The following EGFL7 variants were observed in gnomAD, a reference collection of about 807,000 sequenced individuals.
The protein encoded by EGFL7 is epidermal growth factor-like protein 7.
Under a neutral mutation model 37.1 loss-of-function variants are expected in EGFL7, and 48 were observed. The observed-to-expected ratio is 1.29, with a 90% confidence interval of 1.03 to 1.65. EGFL7 has a LOEUF of 1.65. Among genes scored for constraint, EGFL7 ranks in the 40% most tolerant of loss-of-function variants. The pLI, the probability that EGFL7 is intolerant of heterozygous loss-of-function variation, is 0.00. For synonymous variants in EGFL7, 180 were observed against 156.8 expected (o/e 1.15, Z -1.10); for missense variants, 384 against 378.9 (o/e 1.01, Z -0.11).
intron 9 of EGFL7, among the ~76,000 whole-genome samples, chr9:136,671,466 C>G (rs975232758): frequency 1.3e-5 from 2 of 152,048 alleles, no homozygotes; most frequent in Admixed American, 1.3e-4. Flanking sequence ...GTGGCTTCCT[C>G]GCTGCTGACT....
Position 136,672,612 on chromosome 9 carries a change from C to G in EGFL7, c.*326C>G. ...GACCCATGGCACAGGCCAGGCAGCC[C>G]GGAGGCTGGGTGGGGCCTCAGTGGG... On this transcript the variant is annotated 3_prime_UTR_variant, in exon 11 of 11. Coordinates refer to ENST00000308874, the MANE Select transcript of EGFL7 (RefSeq NM_016215.5). 2.0e-6 allele frequency: 1 copy of G among 488,780 alleles called. No homozygotes were observed. Among genetic ancestry groups the G allele is most frequent in the Non-Finnish European group, 3.7e-6 (1 of 271,762 alleles). The allele number at this position is 488,780 out of a possible 1,614,324, so 30.3% of individuals were successfully genotyped here. A position where few individuals can be genotyped will look rare whatever the true frequency, so the allele number is the denominator to read the frequency against.
At chr9:136,664,451 G>A (rs1388531686) in intron 2 of EGFL7, among the ~76,000 whole-genome samples, 1 of 152,072 alleles carries the variant, frequency 6.6e-6, no homozygotes, top group African/African-American at 2.4e-5. Context: ...CCATGCCAGG[G>A]AGTCCAGGGC....
intron 5 of EGFL7, among the ~76,000 whole-genome samples, chr9:136,668,970 C>T (rs543727565): frequency 3.9e-5 from 6 of 152,276 alleles, no homozygotes; most frequent in South Asian, 2.1e-4. Context: ...CCTCCACTTC[C>T]GGGGGACTAA....
chr9:136,661,389 A>C (rs1004855134), upstream of EGFL7, among the ~76,000 whole-genome samples: 2 of 152,156 alleles, frequency 1.3e-5, no homozygotes, highest in African/African-American at 4.8e-5. Flanking sequence ...CTGAGGGTGC[A>C]GCCAGTAGGG....
At chr9:136,667,912 G>GA (rs1161474786) in intron 3 of EGFL7, among the ~76,000 whole-genome samples, 3 of 152,240 alleles carry the variant, frequency 2.0e-5, no homozygotes, top group Admixed American at 6.5e-5. Flanking sequence ...CAGGACAGGA[G>GA]AAACGGCCAC....
rs752546823 is a variant in EGFL7 at position 136,669,932 on chromosome 9, G to T, written c.332G>T (p.Cys111Phe). The part of the protein sequence containing the change: ...ACGAAICQPP[C>F]RNGGSCVQPG... Reference sequence around the variant, plus strand: ...CCCACAGCAATATGCCAGCCGCCATGCCGGAACGGAGGGAGCTGTGTCCAG... The same window carrying T: ...CCCACAGCAATATGCCAGCCGCCATTCCGGAACGGAGGGAGCTGTGTCCAG... The change falls in exon 7 of 11, where the codon TGC becomes TTC. Residue 111 changes from cysteine to phenylalanine, a missense_variant. Physicochemically the swap from Cys to Phe is radical, Grantham distance 205. Transcript: ENST00000308874. 2 of 1,603,338 alleles carry T rather than the reference G, an allele frequency of 1.2e-6. No homozygotes were observed. The highest frequency in any genetic ancestry group is 3.4e-5 in the Admixed American group (2 of 59,064).
intron 7 of EGFL7, 32 bp downstream of exon 7, chr9:136,670,041 A>C: frequency 6.3e-7 from 1 of 1,586,296 alleles, no homozygotes; most frequent in Non-Finnish European, 8.6e-7. Context: ...GGGGCCCTGG[A>C]AGGGTCCTGG....
chr9:136,666,906 T>G lies in EGFL7; in HGVS notation c.-42-1335T>G, dbSNP rs530737455. Among the ~76,000 whole-genome samples, 1 of 152,140 alleles carries G rather than the reference T, an allele frequency of 6.6e-6. No individual in the cohort carries two copies. The highest frequency in any genetic ancestry group is 2.1e-4 in the South Asian group (1 of 4,820). ...ACAAACTCCTGCCCAAAAACTGCTGTGATGCCCCCCCTGCCCCCAAGCTAA... is the reference window on the plus strand; with the variant it reads ...ACAAACTCCTGCCCAAAAACTGCTGGGATGCCCCCCCTGCCCCCAAGCTAA... On this transcript the variant is annotated intron_variant, in intron 3 of 10. Coordinates refer to ENST00000308874, the MANE Select transcript of EGFL7 (RefSeq NM_016215.5). This position sits in a 1 kb window ranked among gnomAD's most constrained non-coding sequence, Gnocchi z 6.8.
chr9:136,672,416 CTCT>C lies in EGFL7; in HGVS notation c.*133_*135del. 1 of 1,090,662 alleles carries C rather than the reference CTCT, an allele frequency of 9.2e-7. No individual in the cohort carries two copies. The allele number at this position is 1,090,662 out of a possible 1,614,324, so 67.6% of individuals were successfully genotyped here. On this transcript the variant is annotated 3_prime_UTR_variant, in exon 11 of 11. Transcript: ENST00000308874. The stretch of plus-strand genomic sequence containing the variant: ...CGGAAGGCCAGGCAGGGCCTTCCTC[CTCT>C]TCCTCCTCCCCTTCCTCGGGAGGCT...
Position 136,672,599 on chromosome 9 carries a change from A to T in EGFL7, c.*313A>T. On this transcript the variant is annotated 3_prime_UTR_variant, in exon 11 of 11. Coordinates refer to ENST00000308874, the MANE Select transcript of EGFL7 (RefSeq NM_016215.5). Reference sequence around the variant, plus strand: ...TGCTGGAGCCTGGGACCCATGGCACAGGCCAGGCAGCCCGGAGGCTGGGTG... The same window carrying T: ...TGCTGGAGCCTGGGACCCATGGCACTGGCCAGGCAGCCCGGAGGCTGGGTG... The T allele has an allele frequency of 1.9e-6, 1 of 515,688 alleles. No individual in the cohort carries two copies. Among genetic ancestry groups the T allele is most frequent in the South Asian group, 2.8e-5 (1 of 35,780 alleles). The allele number at this position is 515,688 out of a possible 1,614,324, so 31.9% of individuals were successfully genotyped here.
At chr9:136,662,640 C>T (rs1177333422), upstream of EGFL7, among the ~76,000 whole-genome samples, 1 of 152,208 alleles carries the variant, frequency 6.6e-6, no homozygotes, top group Non-Finnish European at 1.5e-5. Context: ...GTCCTCCACC[C>T]CACACTCTCC....
In EGFL7 at chr9:136,671,964, C is replaced by T. The variant is rs1452704503; in HGVS notation, c.675C>T (p.Ala225=). The T allele has an allele frequency of 1.3e-6, 2 of 1,537,374 alleles. No individual in the cohort carries two copies. The highest frequency in any genetic ancestry group is 1.7e-6 in the Non-Finnish European group (2 of 1,144,798). Residue 225 remains alanine, a synonymous_variant, in exon 10 of 11, where the codon GCC becomes GCT. Coordinates refer to ENST00000308874, the MANE Select transcript of EGFL7 (RefSeq NM_016215.5). ...QLVLAPLHSL[A]SQALEHGLPD... Reference sequence around the variant, plus strand: ...TGCTGGCCCCACTGCACAGCCTGGCCTCGCAGGCACTGGAGCATGGGCTCC... The same window carrying T: ...TGCTGGCCCCACTGCACAGCCTGGCTTCGCAGGCACTGGAGCATGGGCTCC...
chr9:136,668,154 G>A, intron 3 of EGFL7, 87 bp from the exon 4 acceptor site: 3 of 730,268 alleles, frequency 4.1e-6, no homozygotes, highest in Non-Finnish European at 6.7e-6. Context: ...GAGATGAGCT[G>A]GGCAGGCCTC....
upstream of EGFL7, among the ~76,000 whole-genome samples, chr9:136,662,210 G>T (rs1398588790): frequency 6.6e-6 from 1 of 152,238 alleles, no homozygotes; most frequent in Non-Finnish European, 1.5e-5. Flanking sequence ...CTGTGAAGTG[G>T]GGCTGAGGGC....
At chr9:136,668,736 A>G in intron 5 of EGFL7, 63 bp downstream of exon 5, 2 of 1,365,428 alleles carry the variant, frequency 1.5e-6, no homozygotes, top group South Asian at 1.2e-5. Context: ...ACACATCAGC[A>G]TGTCAGGGGC....
At position 136,670,992 on chromosome 9, in the gene EGFL7, C is replaced by T. The variant is rs1564283337; in HGVS notation, c.614C>T (p.Ser205Phe). 3.5e-6 allele frequency: 5 copies of T among 1,433,962 alleles called. No homozygotes were observed. The highest frequency in any genetic ancestry group is 2.2e-5 in the Admixed American group (1 of 45,830). 88.8% of individuals were successfully genotyped at this position (1,433,962 alleles called of 1,614,324 possible). The change falls in exon 9 of 11, where the codon TCC becomes TTC. Residue 205 changes from serine (S) to phenylalanine (F), a missense_variant. Physicochemically the swap from Ser to Phe is radical, Grantham distance 155. Coordinates refer to ENST00000308874, the MANE Select transcript of EGFL7 (RefSeq NM_016215.5). ...AAGGAAGAAGTGCAGAGGCTGCAGTCCAGGGTGGACCTGCTGGAGGAGGTG... is the reference window on the plus strand; with the variant it reads ...AAGGAAGAAGTGCAGAGGCTGCAGTTCAGGGTGGACCTGCTGGAGGAGGTG... ...AMKEEVQRLQ[S>F]RVDLLEEKLQ...
At position 136,670,943 on chromosome 9, in the gene EGFL7, C is replaced by T; in HGVS notation, c.572-7C>T. ...GGCCGTGACCCAGCGCCTGGCTCTG[C>T]CCGCAGGAGTGGACAGTGCAATGAA... On this transcript the variant is annotated splice_polypyrimidine_tract_variant and splice_region_variant and intron_variant, in intron 8 of 10. Coordinates refer to ENST00000308874, the MANE Select transcript of EGFL7 (RefSeq NM_016215.5). 3.2e-6 allele frequency: 5 copies of T among 1,542,780 alleles called. No homozygotes were observed. The highest frequency in any genetic ancestry group is 4.4e-6 in the Non-Finnish European group (5 of 1,145,678).
intron 9 of EGFL7, among the ~76,000 whole-genome samples, chr9:136,671,582 C>G (rs1845904865): frequency 6.7e-6 from 1 of 150,072 alleles, no homozygotes; most frequent in South Asian, 2.1e-4. Context: ...CCAGACAATA[C>G]ACAGAGCCTG....
rs377527668 is a variant in EGFL7, at chr9:136,669,778, C to T, written c.313+57C>T. 221 of 1,468,252 alleles carry T rather than the reference C, an allele frequency of 1.5e-4. No individual in the cohort carries two copies. In the African/African-American group the frequency reaches 2.9e-3, roughly 19 times the overall value. The allele number at this position is 1,468,252 out of a possible 1,614,324, so 91.0% of individuals were successfully genotyped here. ...AGGAGGGCGACTGTTCCCCAATCTTCCAGCAACGCTCCTGCTGCTTTTCTT... is the reference window on the plus strand; with the variant it reads ...AGGAGGGCGACTGTTCCCCAATCTTTCAGCAACGCTCCTGCTGCTTTTCTT... On this transcript the variant is annotated intron_variant, in intron 6 of 10. Transcript: ENST00000308874.
Sources: gnomAD v4.1 joint callset for allele counts (sites outside exome capture counted in the v4.1 genomes callset) on GRCh38, gnomAD v4.1.1 for gene constraint, Gnocchi (gnomAD v3.1) non-coding constraint, MANE v1.5 for transcripts, NCBI Gene and HGNC (gene_info 2026-07-23, HGNC 2026-07-21) for gene names.